The following TCL1A variants were observed in gnomAD, a reference collection of about 807,000 sequenced individuals.
TCL1A encodes the protein TCL1 family AKT coactivator A.
In TCL1A, 9 loss-of-function variants were observed where a neutral mutation model predicts 16.9. That is an observed-to-expected ratio of 0.53 (90% CI 0.32 to 0.93). TCL1A has a LOEUF of 0.93. Ranked by LOEUF, TCL1A falls within the 40% of genes least tolerant of loss-of-function variation. The probability of loss-of-function intolerance (pLI) is 0.04; values close to 1 mark genes in which losing one functional copy is unlikely to be tolerated. For synonymous variants in TCL1A, 69 were observed against 63.2 expected, an observed-to-expected ratio of 1.09 and a Z score of -0.44; for missense variants, 139 against 153.0, an observed-to-expected ratio of 0.91 and a Z score of 0.48.
intron 1 of TCL1A, 133 bp from the exon 2 acceptor site, chr14:95,712,529 A>T: frequency 6.8e-7 from 1 of 1,480,444 alleles, no homozygotes; most frequent in Non-Finnish European, 8.9e-7. Context: ...AATGATGGTC[A>T]TCACTGTTCC....
At chr14:95,711,922 T>C in intron 2 of TCL1A, 120 bp from the exon 3 acceptor site, 1 of 1,320,502 alleles carries the variant, frequency 7.6e-7, no homozygotes, top group Non-Finnish European at 1.0e-6. Flanking sequence ...TGTGAGGATT[T>C]CAGGGGCTCT....
intron 1 of TCL1A, among the ~76,000 whole-genome samples, 188 bp downstream of exon 1, chr14:95,713,759 T>C (rs1886468385): frequency 1.3e-5 from 2 of 152,332 alleles, no homozygotes; most frequent in East Asian, 1.9e-4. Context: ...TTTGCGGTTT[T>C]CCCACCCTTC....
chr14:95,713,473 G>A (rs1886437449), intron 1 of TCL1A, among the ~76,000 whole-genome samples: 1 of 152,230 alleles, frequency 6.6e-6, no homozygotes, highest in African/African-American at 2.4e-5. Flanking sequence ...TGTTAAATTT[G>A]TTTTCTAAAT....
intron 2 of TCL1A, 163 bp downstream of exon 2, chr14:95,712,057 A>G (rs1043895278): frequency 2.0e-6 from 2 of 981,886 alleles, no homozygotes; most frequent in South Asian, 3.1e-5. Context: ...CAGAGGATCT[A>G]TCTTCTCTCT....
chr14:95,713,534 A>G (rs1555368795), intron 1 of TCL1A, among the ~76,000 whole-genome samples: 1 of 152,202 alleles, frequency 6.6e-6, no homozygotes, highest in African/African-American at 2.4e-5. Context: ...AGTGTTTGCT[A>G]TGCCTGGTTG....
At chr14:95,713,528 T>C (rs1886441145) in intron 1 of TCL1A, among the ~76,000 whole-genome samples, 1 of 152,174 alleles carries the variant, frequency 6.6e-6, no homozygotes, top group African/African-American at 2.4e-5. Context: ...TAGGCCAGTG[T>C]TTGCTATGCC....
Position 95,710,639 on chromosome 14 carries a change from A to C in TCL1A, c.*249T>G, listed in dbSNP as rs1886323319. On this transcript the variant is annotated 3_prime_UTR_variant, in exon 4 of 4. Transcript: ENST00000402399. Reference sequence around the variant, plus strand: ...ACAGGTATAGCTGGGCACCTGGAAGAAGCTCTGCCAAATGGAATCCTCCTT... The same window carrying C: ...ACAGGTATAGCTGGGCACCTGGAAGCAGCTCTGCCAAATGGAATCCTCCTT... 6.6e-6 allele frequency: 1 copy of C among 152,508 alleles called. No homozygotes were observed. Among genetic ancestry groups the C allele is most frequent in the Non-Finnish European group, 1.5e-5 (1 of 68,260 alleles). 9.4% of individuals were successfully genotyped at this position (152,508 alleles called of 1,614,324 possible). A position where few individuals can be genotyped will look rare whatever the true frequency, so the allele number is the denominator to read the frequency against.
At chr14:95,712,185 A>G (rs1190704250) in intron 2 of TCL1A, 35 bp downstream of exon 2, 1 of 1,613,338 alleles carries the variant, frequency 6.2e-7, no homozygotes, top group African/African-American at 1.3e-5. Flanking sequence ...CAAACCCAAG[A>G]TCACCCGATG....
At chr14:95,713,407 A>G (rs1886432353) in intron 1 of TCL1A, among the ~76,000 whole-genome samples, 1 of 152,244 alleles carries the variant, frequency 6.6e-6, no homozygotes, top group Admixed American at 6.5e-5. Flanking sequence ...TTAAGGCATC[A>G]CACATTAAAA....
chr14:95,713,373 C>G (rs1886430842), intron 1 of TCL1A, among the ~76,000 whole-genome samples: 2 of 152,296 alleles, frequency 1.3e-5, no homozygotes, highest in South Asian at 2.1e-4. Flanking sequence ...TTAACAAAAA[C>G]TTAACATGGA....
intron 1 of TCL1A, among the ~76,000 whole-genome samples, chr14:95,713,448 T>G: frequency 6.6e-6 from 1 of 152,232 alleles, no homozygotes; most frequent in East Asian, 1.9e-4. Context: ...CCGGCGCTTA[T>G]ACTACGACAT....
chr14:95,713,737 G>A (rs1448354393), intron 1 of TCL1A, among the ~76,000 whole-genome samples: 1 of 152,170 alleles, frequency 6.6e-6, no homozygotes, highest in African/African-American at 2.4e-5. Flanking sequence ...CCACCCCTTT[G>A]ACCGACATTC....
intron 1 of TCL1A, among the ~76,000 whole-genome samples, chr14:95,713,641 A>T: frequency 6.6e-6 from 1 of 152,214 alleles, no homozygotes; most frequent in African/African-American, 2.4e-5. Context: ...TCACTTAGAG[A>T]TACCCATTTT....
At chr14:95,711,283 C>A (rs1288890531) in intron 3 of TCL1A, among the ~76,000 whole-genome samples, 5 of 145,610 alleles carry the variant, frequency 3.4e-5, no homozygotes, top group Non-Finnish European at 6.0e-5. Context: ...CACGGTGAAA[C>A]CCCGTCTCTA....
At chr14:95,711,886 C>T (rs1215672040) in intron 2 of TCL1A, 84 bp from the exon 3 acceptor site, 2 of 1,543,738 alleles carry the variant, frequency 1.3e-6, no homozygotes, top group Admixed American at 1.9e-5. Context: ...CTTCCCCTAG[C>T]TGGAAACAGC....
At chr14:95,713,272 T>G (rs1886425665) in intron 1 of TCL1A, among the ~76,000 whole-genome samples, 1 of 152,232 alleles carries the variant, frequency 6.6e-6, no homozygotes, top group African/African-American at 2.4e-5. Context: ...TTTTATGCTT[T>G]CTTCAGTGTA....
At chr14:95,713,783 G>A (rs535805644) in intron 1 of TCL1A, among the ~76,000 whole-genome samples, 164 bp downstream of exon 1, 2 of 152,254 alleles carry the variant, frequency 1.3e-5, no homozygotes, top group African/African-American at 2.4e-5. Context: ...CCTGCCTGGA[G>A]AACTCCTATT....
intron 2 of TCL1A, 143 bp downstream of exon 2, chr14:95,712,077 C>G: frequency 8.9e-7 from 1 of 1,118,578 alleles, no homozygotes; most frequent in East Asian, 2.4e-5. Context: ...TGGTAAAGTC[C>G]TTTAGAAATC....
Position 95,711,957 on chromosome 14 carries a change from GC to G in TCL1A, c.298-156del. 1.4e-5 allele frequency: 14 copies of G among 1,014,632 alleles called. No homozygotes were observed. The South Asian group carries it at 2.2e-4, about 16-fold the overall frequency. The allele number at this position is 1,014,632 out of a possible 1,614,324, so 62.9% of individuals were successfully genotyped here. The stretch of plus-strand genomic sequence containing the variant: ...TTGGAGACTGCCCCTCCTCCCACCA[GC>G]CTTCAGCCTGTGACTGCCCACCAGA... On this transcript the variant is annotated intron_variant, in intron 2 of 3. Transcript: ENST00000402399.
Sources: allele counts gnomAD v4.1 joint callset (sites outside exome capture counted in the v4.1 genomes callset), GRCh38; gene constraint gnomAD v4.1.1; transcripts MANE v1.5; gene names NCBI Gene and HGNC (gene_info 2026-07-23, HGNC 2026-07-21).